Variants in CD69 observed in about 807,000 individuals in gnomAD.
The protein encoded by CD69 is CD69 molecule.
A neutral mutation model predicts 21.4 loss-of-function variants in CD69; 10 were observed. The observed-to-expected ratio is 0.47, with a 90% CI of 0.29 to 0.79. The LOEUF (loss-of-function observed/expected upper bound fraction) is 0.79, where lower values mean the gene tolerates loss of function less well. Among genes scored for constraint, CD69 ranks in the 30% least tolerant of loss-of-function variants. The probability of loss-of-function intolerance (pLI) is 0.09; values close to 1 mark genes in which losing one functional copy is unlikely to be tolerated. For missense variants in CD69, 204 were observed against 236.9 expected (o/e 0.86, Z 0.91); for synonymous variants, 63 against 78.2 (o/e 0.81, Z 1.03).
intron 1 of CD69, among the ~76,000 whole-genome samples, chr12:9,758,874 T>A (rs1866703570): frequency 6.6e-6 from 1 of 151,916 alleles, no homozygotes; most frequent in Non-Finnish European, 1.5e-5. Flanking sequence ...AACGAGGGAG[T>A]AAGCTTTGGG....
intron 1 of CD69, among the ~76,000 whole-genome samples, chr12:9,758,576 G>C (rs1447852947): frequency 6.6e-6 from 1 of 152,070 alleles, no homozygotes; most frequent in African/African-American, 2.4e-5. Flanking sequence ...TCCCATCACA[G>C]ATCGGCACTC....
At chr12:9,755,480 G>A (rs930912645) in intron 2 of CD69, among the ~76,000 whole-genome samples, 3 of 152,220 alleles carry the variant, frequency 2.0e-5, no homozygotes, top group Admixed American at 2.0e-4. Flanking sequence ...ATATGAGGAT[G>A]AGGGGATGTA....
chr12:9,756,690 C>T (rs3176795), intron 1 of CD69, among the ~76,000 whole-genome samples: 4,155 of 152,196 alleles, frequency 0.027, 91 homozygotes, highest in Non-Finnish European at 0.044. Flanking sequence ...ATGATTTATA[C>T]ACTTAGTAAC....
chr12:9,755,721 A>G (rs1272428012), intron 2 of CD69, among the ~76,000 whole-genome samples: 1 of 152,240 alleles, frequency 6.6e-6, no homozygotes, highest in Non-Finnish European at 1.5e-5. Context: ...AGAAAGACAT[A>G]TGACTCAGAA....
intron 1 of CD69, among the ~76,000 whole-genome samples, chr12:9,758,493 T>C (rs1249852804): frequency 1.3e-5 from 2 of 152,076 alleles, no homozygotes; most frequent in Non-Finnish European, 2.9e-5. Flanking sequence ...CCAAGAGAAG[T>C]TGCCTTTTTT....
Position 9,756,389 on chromosome 12 carries a change from C to A in CD69, c.95G>T (p.Arg32Leu). The change falls in exon 2 of 5, where the codon CGT (arginine) becomes CTT (leucine). Residue 32 changes from arginine (R) to leucine (L), a missense_variant. Physicochemically the swap from Arg to Leu is moderately radical, Grantham distance 102. Transcript: ENST00000228434. ...NDATSPHFST[R>L]HEGSFQVPVL... ...AGGAACTTGGAAGGACCCTTCATGACGTGTTGAGAAATGGGGACTGGTGGC... is the reference window on the plus strand; with the variant it reads ...AGGAACTTGGAAGGACCCTTCATGAAGTGTTGAGAAATGGGGACTGGTGGC... The A allele has an allele frequency of 6.2e-7, 1 of 1,613,476 alleles. No individual in the cohort carries two copies. The highest frequency in any genetic ancestry group is 8.5e-7 in the Non-Finnish European group (1 of 1,179,666).
Position 9,756,470 on chromosome 12 carries a change from T to C in CD69, c.65-51A>G, listed in dbSNP as rs374335729. 18 of 1,476,418 alleles carry C rather than the reference T, an allele frequency of 1.2e-5. No homozygotes were observed. In the Middle Eastern group the frequency reaches 5.3e-4, roughly 44 times the overall value. The allele number at this position is 1,476,418 out of a possible 1,614,324, so 91.5% of individuals were successfully genotyped here. ...GTTCAGGCAGACTATAGAAGTACTA[T>C]AGGAATATGCAACATTCTTTTGAGG... On this transcript the variant is annotated intron_variant, in intron 1 of 4. Transcript: ENST00000228434.
At chr12:9,755,395 G>A in intron 2 of CD69, 134 bp from the exon 3 acceptor site, 2 of 701,212 alleles carry the variant, frequency 2.9e-6, no homozygotes, top group East Asian at 5.2e-5. Flanking sequence ...GTAGAATTCT[G>A]AAAAGGGTAT....
rs1340981967 is a variant in CD69, at chr12:9,753,423, GAC to G, written c.*56_*57del. On this transcript the variant is annotated 3_prime_UTR_variant, in exon 5 of 5. Coordinates refer to ENST00000228434, the MANE Select transcript of CD69 (RefSeq NM_001781.2). ...TTCGGACCACAGAGCAGCATCCACTGACACAGATTTCCTTGAGTTCCATTCTA... is the reference window on the plus strand; with the variant it reads ...TTCGGACCACAGAGCAGCATCCACTGACAGATTTCCTTGAGTTCCATTCTA... 1.3e-6 allele frequency: 1 copy of G among 741,652 alleles called. No individual in the cohort carries two copies. Among genetic ancestry groups the G allele is most frequent in the Non-Finnish European group, 2.3e-6 (1 of 442,332 alleles). 45.9% of individuals were successfully genotyped at this position (741,652 alleles called of 1,614,324 possible). A position where few individuals can be genotyped will look rare whatever the true frequency, so the allele number is the denominator to read the frequency against.
intron 4 of CD69, chr12:9,754,337 T>C (rs1281458239): frequency 3.0e-5 from 8 of 269,830 alleles, no homozygotes; most frequent in East Asian, 7.2e-5. Context: ...CCAGATCTAC[T>C]ACTCACATTA....
rs937905215 is a variant in CD69 at position 9,753,123 on chromosome 12, G to A, written c.*358C>T. The A allele has an allele frequency of 6.4e-6, 1 of 156,462 alleles. No homozygotes were observed. The highest frequency in any genetic ancestry group is 2.4e-5 in the African/African-American group (1 of 41,694). The allele number at this position is 156,462 out of a possible 1,614,324, so 9.7% of individuals were successfully genotyped here. On this transcript the variant is annotated 3_prime_UTR_variant, in exon 5 of 5. Coordinates refer to ENST00000228434, the MANE Select transcript of CD69 (RefSeq NM_001781.2). ...TGCAAATGCATGAAGGGCTCTCACT[G>A]TTGGTAGTCATTCAGCAATAAATAG...
intron 4 of CD69, 116 bp downstream of exon 4, chr12:9,754,471 G>A: frequency 2.9e-6 from 2 of 694,848 alleles, no homozygotes; most frequent in Non-Finnish European, 5.2e-6. Flanking sequence ...AGAAGAGATT[G>A]TTAGAGCTCT....
intron 1 of CD69, among the ~76,000 whole-genome samples, chr12:9,758,806 A>G (rs1276195303): frequency 6.6e-6 from 1 of 152,166 alleles, no homozygotes. Context: ...CTCCTCAGTG[A>G]GCACTAACAC....
chr12:9,760,607 C>T, intron 1 of CD69, 150 bp downstream of exon 1: 1 of 525,272 alleles, frequency 1.9e-6, no homozygotes, highest in Non-Finnish European at 3.3e-6. Context: ...CCCTAACAAC[C>T]ATTAGATATC....
intron 1 of CD69, among the ~76,000 whole-genome samples, chr12:9,758,919 A>C (rs1866703914): frequency 6.6e-6 from 1 of 152,056 alleles, no homozygotes; most frequent in African/African-American, 2.4e-5. Context: ...CCCATTAATG[A>C]GGGCTACTGT....
At chr12:9,756,693 T>C (rs1012746758) in intron 1 of CD69, among the ~76,000 whole-genome samples, 6 of 152,180 alleles carry the variant, frequency 3.9e-5, no homozygotes, top group Admixed American at 3.3e-4. Context: ...ATTTATACAC[T>C]TAGTAACTAT....
intron 1 of CD69, among the ~76,000 whole-genome samples, chr12:9,756,858 C>A (rs933480861): frequency 6.6e-6 from 1 of 152,088 alleles, no homozygotes; most frequent in Non-Finnish European, 1.5e-5. Flanking sequence ...GTGGATTGAT[C>A]ACCTGAGCTC....
chr12:9,753,728 A>G (rs111791571), intron 4 of CD69, 139 bp from the exon 5 acceptor site: 19,812 of 439,746 alleles, frequency 0.045, 581 homozygotes, highest in Non-Finnish European at 0.059. Context: ...TCATAGACTA[A>G]TCTGTAGAGA....
chr12:9,758,975 G>C (rs577390527), intron 1 of CD69, among the ~76,000 whole-genome samples: 12 of 149,776 alleles, frequency 8.0e-5, no homozygotes, highest in Admixed American at 5.3e-4. Context: ...TGTCGTCCAG[G>C]CTGGAGTGCA....
Sources: gnomAD v4.1 joint callset for allele counts (sites outside exome capture counted in the v4.1 genomes callset) on GRCh38, gnomAD v4.1.1 for gene constraint, MANE v1.5 for transcripts, NCBI Gene and HGNC (gene_info 2026-07-23, HGNC 2026-07-21) for gene names.